NEMP2: variants seen among roughly 807,000 people sequenced by gnomAD.
The protein encoded by NEMP2 is UPF0571 transmembrane protein.
A neutral mutation model predicts 54.2 loss-of-function variants in NEMP2; 53 were observed. The ratio of observed to expected loss-of-function variants is 0.98; its 90% CI spans 0.78 to 1.23. The LOEUF (loss-of-function observed/expected upper bound fraction) is 1.23, where lower values mean the gene tolerates loss of function less well. Among genes scored for constraint, NEMP2 ranks in the 50% most tolerant of loss-of-function variants. NEMP2 has a pLI of 0.00. For missense variants in NEMP2, 455 were observed against 511.3 expected, an observed-to-expected ratio of 0.89 and a Z score of 1.06; for synonymous variants, 197 against 190.3, an observed-to-expected ratio of 1.04 and a Z score of -0.29.
the NEMP2 span, among the ~76,000 whole-genome samples, chr2:190,581,285 G>C: frequency 1.3e-5 from 2 of 152,136 alleles, no homozygotes; most frequent in Non-Finnish European, 2.9e-5. Flanking sequence ...CATTTTAAAA[G>C]CTGACCAGAA....
the NEMP2 span, chr2:190,435,842 A>C: frequency 1.3e-6 from 1 of 773,332 alleles, no homozygotes; most frequent in Non-Finnish European, 1.9e-6. Flanking sequence ...TGTGGCTGCA[A>C]GTGATAAATG....
rs1279854238 is a variant in NEMP2 at position 190,512,888 on chromosome 2, A to C, written c.953+1565T>G. On this transcript the variant is annotated intron_variant, in intron 7 of 8. Coordinates refer to ENST00000409150, the MANE Select transcript of NEMP2 (RefSeq NM_001142645.2). This position sits in a 1 kb window ranked among gnomAD's most constrained non-coding sequence, Gnocchi z 4.5. ...GGGCTCCCTGTCCTGTCAATGGTGC[A>C]ATTTTAACCCTGTGATATTGCCACA... is the stretch of plus-strand genomic sequence containing the variant. 3.3e-5 allele frequency among the ~76,000 whole-genome samples: 5 copies of C among 152,180 alleles called. No homozygotes were observed. The highest frequency in any genetic ancestry group is 5.9e-5 in the Non-Finnish European group (4 of 68,036).
the NEMP2 span, among the ~76,000 whole-genome samples, chr2:190,581,610 T>C: frequency 1.3e-5 from 2 of 152,242 alleles, no homozygotes; most frequent in Non-Finnish European, 2.9e-5. Flanking sequence ...TCTTTTCTTA[T>C]GTATTGCTTT....
rs1212394251 is a variant in NEMP2 at position 190,510,880 on chromosome 2, C to CA, written c.954-344dup. Among the ~76,000 whole-genome samples, 251 of 62,990 alleles carry CA rather than the reference C, an allele frequency of 4.0e-3. No individual in the cohort carries two copies. The highest frequency in any genetic ancestry group is 7.5e-3 in the South Asian group (16 of 2,122). 41.3% of individuals were successfully genotyped at this position (62,990 alleles called of 152,430 possible). A position where few individuals can be genotyped will look rare whatever the true frequency, so the allele number is the denominator to read the frequency against. On this transcript the variant is annotated intron_variant, in intron 7 of 8. Coordinates refer to ENST00000409150, the MANE Select transcript of NEMP2 (RefSeq NM_001142645.2). This position sits in a 1 kb window ranked among gnomAD's most constrained non-coding sequence, Gnocchi z 5.7. Reference sequence around the variant, plus strand: ...TGGGCGACAGAGGGAGACTCCGTCTCAAAAAAAAAAAAAAAAGATTTACAA... The same window carrying CA: ...TGGGCGACAGAGGGAGACTCCGTCTCAAAAAAAAAAAAAAAAAGATTTACAA...
At chr2:190,643,782 C>T in the NEMP2 span, among the ~76,000 whole-genome samples, 1 of 152,060 alleles carries the variant, frequency 6.6e-6, no homozygotes. Flanking sequence ...GAAAAATTAG[C>T]CGGGCATGGT....
At chr2:190,489,604 A>G in the NEMP2 span, among the ~76,000 whole-genome samples, 3 of 152,204 alleles carry the variant, frequency 2.0e-5, no homozygotes, top group South Asian at 4.1e-4. The surrounding 1 kb of genome is among the most constrained non-coding windows in gnomAD (Gnocchi z 6.6). Flanking sequence ...ACACGTACCC[A>G]GCCCTGTGTT....
chr2:190,629,592 G>A, the NEMP2 span, among the ~76,000 whole-genome samples: 1 of 152,196 alleles, frequency 6.6e-6, no homozygotes, highest in East Asian at 1.9e-4. Flanking sequence ...ATTTTAAGAA[G>A]AGGTGAGACA....
the NEMP2 span, among the ~76,000 whole-genome samples, chr2:190,427,382 A>T: frequency 2.0e-5 from 3 of 152,160 alleles, no homozygotes; most frequent in African/African-American, 4.8e-5. Context: ...TAGGGTTATG[A>T]TCATTTTTTC....
At chr2:190,473,101 A>T in the NEMP2 span, among the ~76,000 whole-genome samples, 3 of 152,242 alleles carry the variant, frequency 2.0e-5, no homozygotes, top group Non-Finnish European at 4.4e-5. Flanking sequence ...AAACATGGAA[A>T]GGAACAACCG....
At chr2:190,431,157 C>T in the NEMP2 span, among the ~76,000 whole-genome samples, 2 of 151,632 alleles carry the variant, frequency 1.3e-5, no homozygotes, top group Non-Finnish European at 2.9e-5. The surrounding 1 kb of genome is among the most constrained non-coding windows in gnomAD (Gnocchi z 4.4). Flanking sequence ...GGCAGCCAGG[C>T]AGAGACGCTC....
rs1465529131 is a variant in NEMP2 at position 190,528,563 on chromosome 2, C to T, written c.98-3185G>A. ...CAAACTATGATAATAATGTTTACTT[C>T]CAGACAGGTCTTTCTTCACCACCCA... On this transcript the variant is annotated intron_variant, in intron 1 of 8. Coordinates refer to ENST00000409150, the MANE Select transcript of NEMP2 (RefSeq NM_001142645.2). The surrounding 1 kb of genome is among the most constrained non-coding windows in gnomAD (Gnocchi z 4.3). Among the ~76,000 whole-genome samples, 1 of 152,180 alleles carries T rather than the reference C, an allele frequency of 6.6e-6. No individual in the cohort carries two copies. The highest frequency in any genetic ancestry group is 1.9e-4 in the East Asian group (1 of 5,190).
At chr2:190,615,478 C>T in the NEMP2 span, among the ~76,000 whole-genome samples, 1 of 152,244 alleles carries the variant, frequency 6.6e-6, no homozygotes, top group Non-Finnish European at 1.5e-5. This position sits in a 1 kb window ranked among gnomAD's most constrained non-coding sequence, Gnocchi z 4.7. Flanking sequence ...TCCACACCTT[C>T]TCTGGTGTGC....
chr2:190,642,761 T>C, the NEMP2 span, among the ~76,000 whole-genome samples: 2 of 152,136 alleles, frequency 1.3e-5, no homozygotes, highest in South Asian at 2.1e-4. This position sits in a 1 kb window ranked among gnomAD's most constrained non-coding sequence, Gnocchi z 4.1. Flanking sequence ...GAGGCAATAA[T>C]AGACGAGAAT....
chr2:190,438,087 T>G, the NEMP2 span, among the ~76,000 whole-genome samples: 1 of 152,298 alleles, frequency 6.6e-6, no homozygotes, highest in African/African-American at 2.4e-5. This position sits in a 1 kb window ranked among gnomAD's most constrained non-coding sequence, Gnocchi z 5.2. Context: ...TGATATTACA[T>G]GGATGAGGTT....
chr2:190,605,483 T>G, the NEMP2 span, among the ~76,000 whole-genome samples: 1 of 152,158 alleles, frequency 6.6e-6, no homozygotes, highest in East Asian at 1.9e-4. Context: ...CAAGCAATTC[T>G]CCTGCCTCAG....
At chr2:190,644,209 G>T in the NEMP2 span, among the ~76,000 whole-genome samples, 1 of 152,138 alleles carries the variant, frequency 6.6e-6, no homozygotes, top group Non-Finnish European at 1.5e-5. The surrounding 1 kb of genome is among the most constrained non-coding windows in gnomAD (Gnocchi z 4.4). Context: ...GTATTAGAAG[G>T]ATTACAGACA....
At chr2:190,429,538 G>A in the NEMP2 span, among the ~76,000 whole-genome samples, 4 of 152,020 alleles carry the variant, frequency 2.6e-5, no homozygotes, top group South Asian at 2.1e-4. Flanking sequence ...ATGTTGGCCA[G>A]CCTGGTTTCG....
the NEMP2 span, chr2:190,464,823 C>A: frequency 1.4e-6 from 1 of 731,610 alleles, no homozygotes; most frequent in Non-Finnish European, 1.7e-6. Flanking sequence ...TTTTACTCCC[C>A]TCACAGTATA....
At chr2:190,502,593 A>G (rs1311639468), downstream of NEMP2, among the ~76,000 whole-genome samples, 1 of 152,246 alleles carries the variant, frequency 6.6e-6, no homozygotes, top group Non-Finnish European at 1.5e-5. This position sits in a 1 kb window ranked among gnomAD's most constrained non-coding sequence, Gnocchi z 4.4. Context: ...TCACAGGAAG[A>G]GCAACCCTGC....
Sources: gnomAD v4.1 joint callset for allele counts (sites outside exome capture counted in the v4.1 genomes callset) on GRCh38, gnomAD v4.1.1 for gene constraint, Gnocchi (gnomAD v3.1) non-coding constraint, MANE v1.5 for transcripts, NCBI Gene and HGNC (gene_info 2026-07-23, HGNC 2026-07-21) for gene names.